Variants in CYB5R2 observed in about 807,000 individuals in gnomAD.
CYB5R2 encodes cytochrome b5 reductase 2.
In CYB5R2, 35 loss-of-function variants were observed where a neutral mutation model predicts 29.8. The observed-to-expected ratio is 1.17, with a 90% CI of 0.90 to 1.56. The LOEUF is 1.56. Ranked by LOEUF, CYB5R2 falls within the 40% of genes most tolerant of loss-of-function variation. The pLI is 0.00. For missense variants in CYB5R2, 419 were observed against 346.7 expected (o/e 1.21, Z -1.66); for synonymous variants, 169 against 130.6 (o/e 1.29, Z -2.01).
At chr11:7,666,750 T>G in intron 7 of CYB5R2, 200 bp from the exon 8 acceptor site, 1 of 474,240 alleles carries the variant, frequency 2.1e-6, no homozygotes, top group Non-Finnish European at 3.8e-6. Context: ...AGTTCCTCCA[T>G]GTGGATGAAG....
chr11:7,666,137 G>C (rs1470309625), intron 8 of CYB5R2: 1 of 607,844 alleles, frequency 1.6e-6, no homozygotes, highest in Non-Finnish European at 2.9e-6. Context: ...GCCCATATTA[G>C]ATGTGTATGT....
chr11:7,668,623 C>G, intron 5 of CYB5R2, 62 bp from the exon 6 acceptor site: 2 of 1,333,386 alleles, frequency 1.5e-6, no homozygotes, highest in Non-Finnish European at 1.1e-6. Context: ...TGCAAAAGAT[C>G]ACTGACATTC....
chr11:7,672,579 A>T, intron 2 of CYB5R2, 56 bp from the exon 3 acceptor site: 1 of 1,572,100 alleles, frequency 6.4e-7, no homozygotes, highest in Non-Finnish European at 8.8e-7. Flanking sequence ...CTTGCTGGGC[A>T]GCTGAGATGC....
chr11:7,672,065 C>CTACT (rs1855776139), intron 3 of CYB5R2: 1 of 193,632 alleles, frequency 5.2e-6, no homozygotes, highest in Non-Finnish European at 1.1e-5. Context: ...ATCAGTCACT[C>CTACT]TACTTTCACA....
At chr11:7,670,352 CA>C (rs57253179) in intron 3 of CYB5R2, 66,187 of 131,554 alleles carry the variant, frequency 0.5, 15,130 homozygotes, top group Non-Finnish European at 0.56. Flanking sequence ...GACCCTGTCT[CA>C]AAAAAAAAAA....
intron 8 of CYB5R2, chr11:7,666,240 G>C (rs575898784): frequency 3.4e-6 from 2 of 594,474 alleles, no homozygotes; most frequent in South Asian, 2.1e-5. Flanking sequence ...TGATGTATTA[G>C]ACACCTGCTC....
At chr11:7,669,544 G>A in intron 4 of CYB5R2, 81 bp downstream of exon 4, 1 of 1,287,976 alleles carries the variant, frequency 7.8e-7, no homozygotes, top group Non-Finnish European at 1.1e-6. Flanking sequence ...TGCCCTCAGA[G>A]AAAAAGCACT....
At chr11:7,672,926 C>A (rs1182795383) in intron 1 of CYB5R2, 35 bp from the exon 2 acceptor site, 2 of 1,583,690 alleles carry the variant, frequency 1.3e-6, no homozygotes, top group Admixed American at 3.6e-5. Context: ...CACCTCAGGT[C>A]TTGCCCGCCC....
intron 5 of CYB5R2, 94 bp from the exon 6 acceptor site, chr11:7,668,655 G>A (rs565575763): frequency 1.8e-4 from 178 of 1,009,352 alleles, no homozygotes; most frequent in South Asian, 1.2e-3. Context: ...CAGGAGGCAC[G>A]TCCAGCTAAG....
upstream of CYB5R2, chr11:7,673,943 C>G (rs1229358840): frequency 2.1e-5 from 21 of 1,002,436 alleles, no homozygotes; most frequent in Admixed American, 1.1e-3. Flanking sequence ...TCGGGGGGCT[C>G]TCACTCACGA....
intron 3 of CYB5R2, chr11:7,671,708 T>A (rs191902212): frequency 4.6e-5 from 7 of 152,384 alleles, no homozygotes; most frequent in Admixed American, 4.6e-4. Flanking sequence ...CGGAGTAGGA[T>A]CCACCAGGCA....
Position 7,673,484 on chromosome 11 carries a change from C to T in CYB5R2, c.-132G>A. The T allele has an allele frequency of 1.0e-6, 1 of 986,492 alleles. No homozygotes were observed. 61.1% of individuals were successfully genotyped at this position (986,492 alleles called of 1,614,324 possible). On this transcript the variant is annotated 5_prime_UTR_variant, in exon 1 of 9. Coordinates refer to ENST00000299498, the MANE Select transcript of CYB5R2 (RefSeq NM_016229.5). ...CAGGGAAAGTTGCCTCTCCTCCCGC[C>T]GGGTCACTGGAGTCTCAGCCTTCCG...
At position 7,673,457 on chromosome 11, in the gene CYB5R2, G is replaced by A. The variant is rs139187121; in HGVS notation, c.-105C>T. 934 of 986,244 alleles carry A rather than the reference G, an allele frequency of 9.5e-4. 6 individuals are homozygous for A. The African/African-American group carries it at 0.015, about 16-fold the overall frequency. The allele number at this position is 986,244 out of a possible 1,614,324, so 61.1% of individuals were successfully genotyped here. On this transcript the variant is annotated 5_prime_UTR_variant, in exon 1 of 9. Coordinates refer to ENST00000299498, the MANE Select transcript of CYB5R2 (RefSeq NM_016229.5). ...CCTGCTCCTCTCCCAACTCAAGCCC[G>A]ACAGGGAAAGTTGCCTCTCCTCCCG...
chr11:7,665,755 G>T (rs1855110189), intron 8 of CYB5R2: 5 of 1,365,648 alleles, frequency 3.7e-6, no homozygotes, highest in Admixed American at 2.1e-5. Context: ...GCTCACTGCA[G>T]GGACCCTGAA....
At chr11:7,673,760 GGGGGCCGCTCCCC>G, upstream of CYB5R2, 1 of 983,742 alleles carries the variant, frequency 1.0e-6, no homozygotes, top group South Asian at 4.7e-5. Context: ...GGGGTTGGCC[GGGGGCCGCTCCCC>G]GCCGCGGGCC....
In CYB5R2 at chr11:7,669,304, G is replaced by T; in HGVS notation, c.289C>A (p.Pro97Thr). ...TACTGAGTCATCTTCCCACCTTCAGGATATTGGGGGTGTACATTTTTGAAG... is the reference window on the plus strand; with the variant it reads ...TACTGAGTCATCTTCCCACCTTCAGTATATTGGGGGTGTACATTTTTGAAG... ...IYFKNVHPQY[P>T]EGGKMTQYLE... The change falls in exon 5 of 9, where the codon CCT (proline) becomes ACT (threonine). Residue 97 changes from proline to threonine, a missense_variant. Transcript: ENST00000299498. 1 of 1,613,534 alleles carries T rather than the reference G, an allele frequency of 6.2e-7. No homozygotes were observed. Among genetic ancestry groups the T allele is most frequent in the South Asian group, 1.1e-5 (1 of 90,968 alleles).
chr11:7,665,548 T>G lies in CYB5R2; in HGVS notation c.659-2A>C, dbSNP rs1347603200. The stretch of plus-strand genomic sequence containing the variant: ...CGAAGCCTGAGCTGTACTTCCAGCC[T>G]GAAATGAAGGAGATGCAGGAGCAAG... On this transcript the variant is annotated splice_acceptor_variant, in intron 8 of 8. Coordinates refer to ENST00000299498, the MANE Select transcript of CYB5R2 (RefSeq NM_016229.5). LOFTEE classifies it high-confidence loss of function. The G allele has an allele frequency of 1.9e-6, 3 of 1,598,228 alleles. No individual in the cohort carries two copies. Among genetic ancestry groups the G allele is most frequent in the Admixed American group, 1.7e-5 (1 of 57,324 alleles).
chr11:7,672,883 G>T lies in CYB5R2; in HGVS notation c.-58C>A. The T allele has an allele frequency of 1.2e-6, 2 of 1,613,108 alleles. No homozygotes were observed. The highest frequency in any genetic ancestry group is 1.1e-5 in the South Asian group (1 of 90,814). On this transcript the variant is annotated 5_prime_UTR_variant, in exon 2 of 9. Transcript: ENST00000299498. ...CAGTGACGGTGATGGTCAGGAGCAGGGACGGGTCCTGGCAGACACAATGTG... is the reference window on the plus strand; with the variant it reads ...CAGTGACGGTGATGGTCAGGAGCAGTGACGGGTCCTGGCAGACACAATGTG...
chr11:7,669,078 G>C (rs1162142226), intron 5 of CYB5R2, 127 bp downstream of exon 5: 2 of 1,123,784 alleles, frequency 1.8e-6, no homozygotes, highest in Non-Finnish European at 2.7e-6. Flanking sequence ...ATTATGCATT[G>C]TGTGTGAATG....
Sources: allele counts gnomAD v4.1 joint callset, GRCh38; gene constraint gnomAD v4.1.1; transcripts MANE v1.5; gene names NCBI Gene and HGNC (gene_info 2026-07-23, HGNC 2026-07-21).